The following TRIM8 variants were observed in gnomAD, a reference collection of about 807,000 sequenced individuals.
TRIM8 encodes tripartite motif containing 8.
In TRIM8, 9 loss-of-function variants were observed where a neutral mutation model predicts 55.7. The ratio of observed to expected loss-of-function variants is 0.16; its 90% CI spans 0.10 to 0.28. The LOEUF is 0.28. Among genes scored for constraint, TRIM8 ranks in the 10% least tolerant of loss-of-function variants. The pLI, the probability that TRIM8 is intolerant of heterozygous loss-of-function variation, is 1.00. For synonymous variants in TRIM8, 335 were observed against 333.3 expected (o/e 1.01, Z -0.06); for missense variants, 556 against 736.4 (o/e 0.76, Z 2.83).
rs1377525553 is a variant in TRIM8 at position 102,645,028 on chromosome 10, G to C, written c.411G>C (p.Ala137=). The C allele has an allele frequency of 6.3e-7, 1 of 1,593,858 alleles. No homozygotes were observed. The highest frequency in any genetic ancestry group is 2.2e-5 in the East Asian group (1 of 44,472). Residue 137 remains alanine (A), a synonymous_variant, in exon 1 of 6, where the codon GCG becomes GCC. Coordinates refer to ENST00000643721, the MANE Select transcript of TRIM8 (RefSeq NM_030912.3). ...CCCGCGGGCACCTCCTGGTGGAGGC[G>C]GACGACGTGCGGGCCTGGAGCTGCC... ...STARGHLLVE[A]DDVRAWSCPQ...
rs1387656757 is a variant in TRIM8, at chr10:102,657,159, C to T, written c.1461C>T (p.Tyr487=). 3.7e-6 allele frequency: 6 copies of T among 1,613,740 alleles called. No individual in the cohort carries two copies. Among genetic ancestry groups the T allele is most frequent in the Admixed American group, 3.3e-5 (2 of 60,006 alleles). ...CCAACCATGGCGGCCACCAGCCCTACCCCCGCTCCGGCCACTTTCCCTGGA... is the reference window on the plus strand; with the variant it reads ...CCAACCATGGCGGCCACCAGCCCTATCCCCGCTCCGGCCACTTTCCCTGGA... ...SVANHGGHQP[Y]PRSGHFPWTV... is the part of the protein sequence containing the mutation. The change falls in exon 6 of 6, where the codon TAC becomes TAT. Residue 487 remains tyrosine, a synonymous_variant. Coordinates refer to ENST00000643721, the MANE Select transcript of TRIM8 (RefSeq NM_030912.3).
At chr10:102,647,585 C>T (rs2063946588) in intron 1 of TRIM8, among the ~76,000 whole-genome samples, 2 of 152,050 alleles carry the variant, frequency 1.3e-5, no homozygotes, top group South Asian at 2.1e-4. Flanking sequence ...CCTCTGCACT[C>T]TCTGTAGGCC....
chr10:102,657,461 C>T lies in TRIM8; in HGVS notation c.*107C>T, dbSNP rs1590111483. 4 of 1,336,356 alleles carry T rather than the reference C, an allele frequency of 3.0e-6. No individual in the cohort carries two copies. The highest frequency in any genetic ancestry group is 3.0e-5 in the African/African-American group (2 of 67,732). The allele number at this position is 1,336,356 out of a possible 1,614,324, so 82.8% of individuals were successfully genotyped here. On this transcript the variant is annotated 3_prime_UTR_variant, in exon 6 of 6. Coordinates refer to ENST00000643721, the MANE Select transcript of TRIM8 (RefSeq NM_030912.3). The stretch of plus-strand genomic sequence containing the variant: ...TCTACCTTCCTCGCCTCCCCTCTTC[C>T]TCATTCCATTGCCCCAGGTCTTTTC...
intron 1 of TRIM8, among the ~76,000 whole-genome samples, chr10:102,653,046 G>C (rs1021616641): frequency 3.9e-5 from 6 of 152,182 alleles, no homozygotes; most frequent in African/African-American, 1.4e-4. Context: ...TGATCCGCCT[G>C]CCTCGGCCTC....
rs563024803 is a variant in TRIM8 at position 102,645,140 on chromosome 10, C to G, written c.523C>G (p.Gln175Glu). ...QYCCYYSGAH[Q>E]GHSVCDVEIR... Reference sequence around the variant, plus strand: ...CTGCTGCTACTACAGCGGCGCGCATCAGGGACACTCGGTGTGCGACGTGGA... The same window carrying G: ...CTGCTGCTACTACAGCGGCGCGCATGAGGGACACTCGGTGTGCGACGTGGA... Residue 175 changes from glutamine to glutamate, a missense_variant, in exon 1 of 6, where the codon CAG becomes GAG. Physicochemically the swap from Gln to Glu is conservative, Grantham distance 29. Transcript: ENST00000643721. 1 of 1,574,626 alleles carries G rather than the reference C, an allele frequency of 6.4e-7. No homozygotes were observed. Among genetic ancestry groups the G allele is most frequent in the East Asian group, 2.3e-5 (1 of 44,228 alleles).
rs1053409327 is a variant in TRIM8 at position 102,656,785 on chromosome 10, C to A, written c.1087C>A (p.Pro363Thr). The change falls in exon 6 of 6, where the codon CCC (proline) becomes ACC (threonine). Residue 363 changes from proline (P) to threonine (T), a missense_variant. Physicochemically the swap from Pro to Thr is conservative, Grantham distance 38. Coordinates refer to ENST00000643721, the MANE Select transcript of TRIM8 (RefSeq NM_030912.3). The surrounding 1 kb of genome is among the most constrained non-coding windows in gnomAD (Gnocchi z 4.6). ...GCCGGTGCCCTTCCTGCAGAGTGTC[C>A]CCCTGTACCCTTGCGGCGTGAGCAG... Reference protein sequence around the residue: ...STPVPFLQSVPLYPCGVSSSG... With the variant: ...STPVPFLQSVTLYPCGVSSSG... 4 of 1,517,200 alleles carry A rather than the reference C, an allele frequency of 2.6e-6. No individual in the cohort carries two copies. Among genetic ancestry groups the A allele is most frequent in the Non-Finnish European group, 3.5e-6 (4 of 1,133,774 alleles). 94.0% of individuals were successfully genotyped at this position (1,517,200 alleles called of 1,614,324 possible). A position where few individuals can be genotyped will look rare whatever the true frequency, so the allele number is the denominator to read the frequency against.
chr10:102,657,451 T>TC lies in TRIM8; in HGVS notation c.*101dup. 2.9e-6 allele frequency: 4 copies of TC among 1,390,552 alleles called. No homozygotes were observed. The highest frequency in any genetic ancestry group is 3.9e-6 in the Non-Finnish European group (4 of 1,036,854). 86.1% of individuals were successfully genotyped at this position (1,390,552 alleles called of 1,614,324 possible). A position where few individuals can be genotyped will look rare whatever the true frequency, so the allele number is the denominator to read the frequency against. Reference sequence around the variant, plus strand: ...GACCTGCCCTTCTACCTTCCTCGCCTCCCCTCTTCCTCATTCCATTGCCCC... The same window carrying TC: ...GACCTGCCCTTCTACCTTCCTCGCCTCCCCCTCTTCCTCATTCCATTGCCCC... On this transcript the variant is annotated 3_prime_UTR_variant, in exon 6 of 6. Coordinates refer to ENST00000643721, the MANE Select transcript of TRIM8 (RefSeq NM_030912.3).
At position 102,656,442 on chromosome 10, in the gene TRIM8, G is replaced by C; in HGVS notation, c.1048+57G>C. On this transcript the variant is annotated intron_variant, in intron 5 of 5. Transcript: ENST00000643721. This position sits in a 1 kb window ranked among gnomAD's most constrained non-coding sequence, Gnocchi z 4.6. The stretch of plus-strand genomic sequence containing the variant: ...AGGGACCTTTGGGGAGGGGTTCAGC[G>C]CCACAGCCTTCCCTCCAAGAGGCAG... 1 of 1,560,740 alleles carries C rather than the reference G, an allele frequency of 6.4e-7. No individual in the cohort carries two copies. The highest frequency in any genetic ancestry group is 8.7e-7 in the Non-Finnish European group (1 of 1,151,326).
At chr10:102,647,698 G>A (rs762435237) in intron 1 of TRIM8, among the ~76,000 whole-genome samples, 3 of 152,166 alleles carry the variant, frequency 2.0e-5, no homozygotes, top group Non-Finnish European at 2.9e-5. Context: ...GAGGGCCACA[G>A]AATTCCCCAG....
rs1216063147 is a variant in TRIM8, at chr10:102,656,479, C to G, written c.1048+94C>G. On this transcript the variant is annotated intron_variant, in intron 5 of 5. Transcript: ENST00000643721. The surrounding 1 kb of genome is among the most constrained non-coding windows in gnomAD (Gnocchi z 4.6). ...CCTCCAAGAGGCAGTGTGGCCCAGT[C>G]TGGGAGACCTGTCCTCATATCCAGG... The G allele has an allele frequency of 6.6e-7, 1 of 1,508,276 alleles. No individual in the cohort carries two copies. Among genetic ancestry groups the G allele is most frequent in the Non-Finnish European group, 8.9e-7 (1 of 1,122,042 alleles). 93.4% of individuals were successfully genotyped at this position (1,508,276 alleles called of 1,614,324 possible). A position where few individuals can be genotyped will look rare whatever the true frequency, so the allele number is the denominator to read the frequency against.
At chr10:102,652,230 G>A (rs1035026386) in intron 1 of TRIM8, among the ~76,000 whole-genome samples, 2 of 152,156 alleles carry the variant, frequency 1.3e-5, no homozygotes, top group Admixed American at 6.5e-5. Context: ...TTTTTCCACA[G>A]TAGCCTCCAA....
At chr10:102,646,497 A>G (rs989482046) in intron 1 of TRIM8, among the ~76,000 whole-genome samples, 1 of 152,184 alleles carries the variant, frequency 6.6e-6, no homozygotes, top group African/African-American at 2.4e-5. Flanking sequence ...CAATTAAAAA[A>G]CATACACATA....
At chr10:102,650,022 T>TTGCCCCTCCCTGCCC (rs71016400) in intron 1 of TRIM8, among the ~76,000 whole-genome samples, 151,305 of 151,404 alleles carry the variant, frequency 1, 75,603 homozygotes, top group Middle Eastern at 1. Flanking sequence ...CCCCCTCTTC[T>TTGCCCCTCCCTGCCC]TGCCCCTCCC....
chr10:102,657,537 T>A lies in TRIM8; in HGVS notation c.*183T>A. On this transcript the variant is annotated 3_prime_UTR_variant, in exon 6 of 6. Transcript: ENST00000643721. ...CTTTGTTTTTGATTTTTTTTTATTATGAATCTCCTGGACGCAGAGGTGACA... is the reference window on the plus strand; with the variant it reads ...CTTTGTTTTTGATTTTTTTTTATTAAGAATCTCCTGGACGCAGAGGTGACA... The A allele has an allele frequency of 1.3e-6, 1 of 769,330 alleles. No homozygotes were observed. Among genetic ancestry groups the A allele is most frequent in the Non-Finnish European group, 2.0e-6 (1 of 509,568 alleles). 47.7% of individuals were successfully genotyped at this position (769,330 alleles called of 1,614,324 possible). A position where few individuals can be genotyped will look rare whatever the true frequency, so the allele number is the denominator to read the frequency against.
chr10:102,656,605 A>C lies in TRIM8; in HGVS notation c.1049-142A>C. The C allele has an allele frequency of 7.3e-7, 1 of 1,369,604 alleles. No homozygotes were observed. The highest frequency in any genetic ancestry group is 9.9e-7 in the Non-Finnish European group (1 of 1,012,490). The allele number at this position is 1,369,604 out of a possible 1,614,324, so 84.8% of individuals were successfully genotyped here. A position where few individuals can be genotyped will look rare whatever the true frequency, so the allele number is the denominator to read the frequency against. Reference sequence around the variant, plus strand: ...GGGATATAACTATTCTGTACCTCCTAATGGTAGAGGAGCAAGCATCACCTG... The same window carrying C: ...GGGATATAACTATTCTGTACCTCCTCATGGTAGAGGAGCAAGCATCACCTG... On this transcript the variant is annotated intron_variant, in intron 5 of 5. Coordinates refer to ENST00000643721, the MANE Select transcript of TRIM8 (RefSeq NM_030912.3). This position sits in a 1 kb window ranked among gnomAD's most constrained non-coding sequence, Gnocchi z 4.6.
In TRIM8 at chr10:102,656,978, C is replaced by A; in HGVS notation, c.1280C>A (p.Ala427Asp). ...TGCAGCTCCACGCAGCACTTGGTGG[C>A]CCTGCCGGGCGGCGCCCAACCAGTG... ...GPCSSTQHLV[A>D]LPGGAQPVHS... is the part of the protein sequence containing the mutation. The change falls in exon 6 of 6, where the codon GCC becomes GAC. Residue 427 changes from alanine (A) to aspartate (D), a missense_variant. Physicochemically the swap from Ala to Asp is moderately radical, Grantham distance 126. Coordinates refer to ENST00000643721, the MANE Select transcript of TRIM8 (RefSeq NM_030912.3). The surrounding 1 kb of genome is among the most constrained non-coding windows in gnomAD (Gnocchi z 4.6). 1 of 1,612,518 alleles carries A rather than the reference C, an allele frequency of 6.2e-7. No homozygotes were observed. Among genetic ancestry groups the A allele is most frequent in the Non-Finnish European group, 8.5e-7 (1 of 1,179,672 alleles).
Position 102,644,590 on chromosome 10 carries a change from C to T in TRIM8, c.-28C>T, listed in dbSNP as rs1474008090. On this transcript the variant is annotated 5_prime_UTR_variant, in exon 1 of 6. Coordinates refer to ENST00000643721, the MANE Select transcript of TRIM8 (RefSeq NM_030912.3). ...CCCGGGGCTGGGGAGTCGGGGAGGC[C>T]TGCCCCGGCCCCCTGCCCGCGGCCG... 6.2e-7 allele frequency: 1 copy of T among 1,603,134 alleles called. No individual in the cohort carries two copies.
In TRIM8 at chr10:102,657,452, C is replaced by T. The variant is rs995036922; in HGVS notation, c.*98C>T. Reference sequence around the variant, plus strand: ...ACCTGCCCTTCTACCTTCCTCGCCTCCCCTCTTCCTCATTCCATTGCCCCA... The same window carrying T: ...ACCTGCCCTTCTACCTTCCTCGCCTTCCCTCTTCCTCATTCCATTGCCCCA... On this transcript the variant is annotated 3_prime_UTR_variant, in exon 6 of 6. Transcript: ENST00000643721. 1 of 1,393,142 alleles carries T rather than the reference C, an allele frequency of 7.2e-7. No individual in the cohort carries two copies. The highest frequency in any genetic ancestry group is 1.5e-5 in the African/African-American group (1 of 68,964). The allele number at this position is 1,393,142 out of a possible 1,614,324, so 86.3% of individuals were successfully genotyped here.
Position 102,644,978 on chromosome 10 carries a change from A to G in TRIM8, c.361A>G (p.Thr121Ala), listed in dbSNP as rs1238495663. The G allele has an allele frequency of 6.3e-7, 1 of 1,598,962 alleles. No individual in the cohort carries two copies. The highest frequency in any genetic ancestry group is 8.5e-7 in the Non-Finnish European group (1 of 1,174,740). ...EAPCCQSHVQ[T>A]HLQQPSTARG... ...GCCCTGCTGCCAGTCCCACGTGCAG[A>G]CGCACCTGCAGCAGCCCTCCACCGC... The change falls in exon 1 of 6, where the codon ACG (threonine) becomes GCG (alanine). Residue 121 changes from threonine (T) to alanine (A), a missense_variant. Thr to Ala is a moderately conservative substitution (Grantham distance 58). Around this residue, in one of 2 missense-constraint regions of TRIM8, gnomAD observed 165 missense variants for 295.3 expected, o/e 0.56. Coordinates refer to ENST00000643721, the MANE Select transcript of TRIM8 (RefSeq NM_030912.3).
Sources: allele counts gnomAD v4.1 joint callset (sites outside exome capture counted in the v4.1 genomes callset), GRCh38; gene constraint gnomAD v4.1.1; regional missense constraint gnomAD v4.1.1; non-coding constraint Gnocchi (gnomAD v3.1); transcripts MANE v1.5; gene names NCBI Gene and HGNC (gene_info 2026-07-23, HGNC 2026-07-21).